DMD: variants seen among roughly 807,000 people sequenced by gnomAD.
DMD encodes dystrophin.
DMD carries 63 observed loss-of-function variants against 330.1 expected under a neutral mutation model. The ratio of observed to expected loss-of-function variants is 0.19; its 90% confidence interval spans 0.16 to 0.24. The LOEUF is 0.24. DMD is among the 10% of genes least tolerant of loss of function. The pLI is 1.00. For synonymous variants in DMD, 1,223 were observed against 959.8 expected (o/e 1.27, Z -5.07); for missense variants, 3,344 against 2,684.1 (o/e 1.25, Z -5.43).
chrX:31,542,472 CTG>C (rs1428459164), intron 55 of DMD, among the ~76,000 whole-genome samples: 1 of 112,075 alleles, frequency 8.9e-6, no homozygotes, highest in Non-Finnish European at 1.9e-5. Flanking sequence ...CTTTCCTTCT[CTG>C]TGAAATAGGG....
chrX:31,128,188 T>C (rs2033990731), intron 77 of DMD, among the ~76,000 whole-genome samples: 1 of 112,045 alleles, frequency 8.9e-6, no homozygotes, highest in Non-Finnish European at 1.9e-5. Flanking sequence ...TCTTTATGTT[T>C]CATAATACTG....
chrX:31,308,994 G>A (rs1452980964), intron 62 of DMD, among the ~76,000 whole-genome samples: 1 of 111,639 alleles, frequency 9.0e-6, no homozygotes, highest in Non-Finnish European at 1.9e-5. Context: ...CTCCCAAAGT[G>A]CTAGGATTAC....
Position 32,780,804 on chromosome X carries a change from T to A in DMD, c.649+28689A>T, listed in dbSNP as rs189085884. ...AATATGCTAATGTAAAAGCCGTGTC[T>A]TCAAGAAACATTTGTTGTACATTAA... is the stretch of plus-strand genomic sequence containing the variant. On this transcript the variant is annotated intron_variant, in intron 7 of 78. Transcript: ENST00000357033. Among the ~76,000 whole-genome samples the A allele has an allele frequency of 1.6e-3, 174 of 110,301 alleles. 2 individuals are homozygous for A. Among genetic ancestry groups the A allele is most frequent in the African/African-American group, 5.5e-3 (167 of 30,351 alleles).
chrX:32,861,865 G>A (rs777353332), intron 2 of DMD, among the ~76,000 whole-genome samples: 1 of 111,589 alleles, frequency 9.0e-6, no homozygotes, highest in East Asian at 2.8e-4. Flanking sequence ...CCTAGACATG[G>A]AAGCAAATTT....
chrX:32,571,395 A>C (rs2052402087), intron 15 of DMD, among the ~76,000 whole-genome samples: 1 of 111,361 alleles, frequency 9.0e-6, no homozygotes, highest in African/African-American at 3.3e-5. Flanking sequence ...ACCACTTCCT[A>C]CTTTTTTGAA....
intron 2 of DMD, among the ~76,000 whole-genome samples, chrX:32,974,804 T>C (rs1402183448): frequency 8.9e-6 from 1 of 111,735 alleles, no homozygotes; most frequent in Non-Finnish European, 1.9e-5. Context: ...GGTCAAAACA[T>C]ATGGTTCACA....
chrX:31,195,864 GAGGA>G (rs2042833742), intron 67 of DMD, among the ~76,000 whole-genome samples: 1 of 110,517 alleles, frequency 9.0e-6, no homozygotes, highest in African/African-American at 3.3e-5. Flanking sequence ...GACAGGGTGA[GAGGA>G]AGGAAGGAAG....
chrX:31,324,482 G>T (rs1261133061), intron 61 of DMD, among the ~76,000 whole-genome samples: 9 of 107,443 alleles, frequency 8.4e-5, no homozygotes, highest in Admixed American at 2.0e-4. Context: ...TGATCTGATG[G>T]TTTTTTTTCT....
chrX:31,356,082 T>C (rs955260640), intron 60 of DMD, among the ~76,000 whole-genome samples: 2 of 111,622 alleles, frequency 1.8e-5, no homozygotes, highest in Admixed American at 1.9e-4. Flanking sequence ...TTTCTGTGTT[T>C]TCCTGACATT....
chrX:32,863,481 G>A (rs1214848882), intron 2 of DMD, among the ~76,000 whole-genome samples: 3 of 97,192 alleles, frequency 3.1e-5, no homozygotes, highest in Non-Finnish European at 6.0e-5. Context: ...CTGCACTCCA[G>A]CCTGGGTGGC....
intron 59 of DMD, among the ~76,000 whole-genome samples, chrX:31,471,300 C>T (rs772840424): frequency 8.9e-6 from 1 of 112,349 alleles, no homozygotes; most frequent in African/African-American, 3.2e-5. Flanking sequence ...AGGGAATCTC[C>T]TGGTCTGCAT....
At chrX:32,072,376 A>C (rs1183404387) in intron 44 of DMD, among the ~76,000 whole-genome samples, 1 of 111,146 alleles carries the variant, frequency 9.0e-6, no homozygotes, top group Non-Finnish European at 1.9e-5. Flanking sequence ...GAAACTATAT[A>C]GTGAACAAAG....
At chrX:32,998,732 C>T (rs1463358663) in intron 2 of DMD, among the ~76,000 whole-genome samples, 1 of 111,162 alleles carries the variant, frequency 9.0e-6, no homozygotes, top group Non-Finnish European at 1.9e-5. Context: ...TATTGAGATG[C>T]TTGAACAAAT....
chrX:32,359,658 T>A (rs1364483776), intron 37 of DMD, among the ~76,000 whole-genome samples: 3 of 111,479 alleles, frequency 2.7e-5, no homozygotes, highest in African/African-American at 9.8e-5. Context: ...TTCAATTTCT[T>A]ATTGTAATCA....
At chrX:32,687,435 G>C (rs1405363455) in intron 9 of DMD, among the ~76,000 whole-genome samples, 1 of 111,700 alleles carries the variant, frequency 9.0e-6, no homozygotes, top group East Asian at 2.8e-4. Context: ...CCTTGACTAG[G>C]ATGGACCCCT....
intron 1 of DMD, among the ~76,000 whole-genome samples, chrX:33,217,787 T>C (rs945651569): frequency 9.0e-6 from 1 of 111,594 alleles, no homozygotes. Flanking sequence ...TATAAGTTGA[T>C]CTTGTATCCT....
At chrX:31,378,724 C>T (rs1319276987) in intron 60 of DMD, among the ~76,000 whole-genome samples, 2 of 109,289 alleles carry the variant, frequency 1.8e-5, no homozygotes, top group East Asian at 2.9e-4. Flanking sequence ...CCCTTCTCTC[C>T]GTGTCTCTAC....
rs886044690 is a variant in DMD, at chrX:32,464,684, G to T, written c.3178C>A (p.Leu1060Met). Residue 1060 changes from leucine (L) to methionine (M), a missense_variant, in exon 24 of 79, where the codon CTG (leucine) becomes ATG (methionine). Physicochemically the swap from Leu to Met is conservative, Grantham distance 15 (BLOSUM62 2). Coordinates refer to ENST00000357033, the MANE Select transcript of DMD (RefSeq NM_004006.3). ...LRKIQNHIQT[L>M]KKWMAEVDVF... ...TCAACTTCAGCCATCCATTTCTTCA[G>T]GGTTTGTATGTGATTCTGAAACGAG... 5 of 1,198,451 alleles carry T rather than the reference G, an allele frequency of 4.2e-6. No homozygotes were observed. The highest frequency in any genetic ancestry group is 5.7e-6 in the Non-Finnish European group (5 of 883,736).
chrX:31,356,114 G>C (rs1264078931), intron 60 of DMD, among the ~76,000 whole-genome samples: 2 of 111,750 alleles, frequency 1.8e-5, no homozygotes, highest in African/African-American at 6.5e-5. Context: ...GAGTTAAACA[G>C]TGTTTCTTGC....
Sources: allele counts gnomAD v4.1 joint callset (sites outside exome capture counted in the v4.1 genomes callset), GRCh38; gene constraint gnomAD v4.1.1; transcripts MANE v1.5; gene names NCBI Gene and HGNC (gene_info 2026-07-23, HGNC 2026-07-21).